The following RGS20 variants were observed in gnomAD, a reference collection of about 807,000 sequenced individuals.
RGS20 encodes the protein regulator of G protein signaling 20.
A neutral mutation model predicts 33.6 loss-of-function variants in RGS20; 30 were observed. That is an observed-to-expected ratio of 0.89 (90% CI 0.67 to 1.21). The LOEUF (loss-of-function observed/expected upper bound fraction) is 1.21, where lower values mean the gene tolerates loss of function less well. Ranked by LOEUF, RGS20 falls within the 50% of genes most tolerant of loss-of-function variation. The pLI, the probability that RGS20 is intolerant of heterozygous loss-of-function variation, is 0.00. For synonymous variants in RGS20, 208 were observed against 197.9 expected, an observed-to-expected ratio of 1.05 and a Z score of -0.43; for missense variants, 472 against 502.4, an observed-to-expected ratio of 0.94 and a Z score of 0.58.
intron 2 of RGS20, among the ~76,000 whole-genome samples, chr8:53,905,163 T>C (rs1813130959): frequency 1.3e-5 from 2 of 152,228 alleles, no homozygotes; most frequent in African/African-American, 4.8e-5. Flanking sequence ...AAAAGTCTTT[T>C]GTTACTATTA....
At chr8:53,953,848 T>C (rs572247467) in intron 4 of RGS20, among the ~76,000 whole-genome samples, 1 of 152,222 alleles carries the variant, frequency 6.6e-6, no homozygotes, top group Non-Finnish European at 1.5e-5. Context: ...AGCAACTTGG[T>C]TTGCAAGCCT....
chr8:53,900,709 G>T (rs2129280462), intron 2 of RGS20, among the ~76,000 whole-genome samples: 1 of 152,104 alleles, frequency 6.6e-6, no homozygotes, highest in Admixed American at 6.5e-5. Flanking sequence ...AAGTAATTTG[G>T]TCCAGGCCTC....
At chr8:53,885,448 C>T (rs144077785) in intron 2 of RGS20, among the ~76,000 whole-genome samples, 83 of 152,200 alleles carry the variant, frequency 5.5e-4, no homozygotes, top group African/African-American at 1.9e-3. Flanking sequence ...CCCGTCTCTA[C>T]TAAAAAATAC....
chr8:53,927,769 G>A (rs2129288049), intron 2 of RGS20, among the ~76,000 whole-genome samples: 1 of 152,272 alleles, frequency 6.6e-6, no homozygotes, highest in East Asian at 1.9e-4. Flanking sequence ...GAAATGATAT[G>A]TGCATAGAGT....
chr8:53,927,392 A>G (rs1177700240), intron 2 of RGS20, among the ~76,000 whole-genome samples: 1 of 151,558 alleles, frequency 6.6e-6, no homozygotes, highest in East Asian at 1.9e-4. Flanking sequence ...TTGTGTAGAG[A>G]TGGGGTTTCT....
intron 2 of RGS20, among the ~76,000 whole-genome samples, chr8:53,895,941 C>T (rs1184540868): frequency 6.6e-6 from 1 of 151,838 alleles, no homozygotes; most frequent in East Asian, 1.9e-4. Flanking sequence ...GCCACCACGC[C>T]CAGCCAAGAA....
At chr8:53,906,823 C>T (rs747720711) in intron 2 of RGS20, among the ~76,000 whole-genome samples, 49 of 152,066 alleles carry the variant, frequency 3.2e-4, no homozygotes, top group Non-Finnish European at 2.2e-4. Flanking sequence ...TAAAAAAGTA[C>T]TGGGAGAGAT....
chr8:53,932,963 C>G (rs1231927745), intron 2 of RGS20, among the ~76,000 whole-genome samples: 1 of 152,160 alleles, frequency 6.6e-6, no homozygotes, highest in Non-Finnish European at 1.5e-5. Flanking sequence ...TAGTGATACC[C>G]TGGCAAACAG....
chr8:53,896,380 T>A (rs2129279248), intron 2 of RGS20, among the ~76,000 whole-genome samples: 1 of 152,288 alleles, frequency 6.6e-6, no homozygotes, highest in East Asian at 1.9e-4. Context: ...GCTCATTTGT[T>A]TGATGTTTGA....
intron 1 of RGS20, among the ~76,000 whole-genome samples, chr8:53,869,404 G>A (rs1035860951): frequency 6.6e-6 from 1 of 152,096 alleles, no homozygotes; most frequent in Non-Finnish European, 1.5e-5. Context: ...GGCTGGGTGC[G>A]ATGGCTTACG....
chr8:53,907,652 A>G (rs1813220409), intron 2 of RGS20, among the ~76,000 whole-genome samples: 2 of 152,000 alleles, frequency 1.3e-5, no homozygotes, highest in Non-Finnish European at 2.9e-5. Flanking sequence ...GCTCTTGGGG[A>G]TGAGGAGTGG....
intron 2 of RGS20, among the ~76,000 whole-genome samples, chr8:53,916,969 C>A (rs1813506737): frequency 6.6e-6 from 1 of 152,166 alleles, no homozygotes; most frequent in Non-Finnish European, 1.5e-5. Flanking sequence ...AGGCCCCATT[C>A]TCATGACCTA....
At chr8:53,871,676 A>T (rs1321282226) in intron 1 of RGS20, among the ~76,000 whole-genome samples, 1 of 152,126 alleles carries the variant, frequency 6.6e-6, no homozygotes. Flanking sequence ...CTTTCCAGTG[A>T]TGCCTGCTTC....
intron 2 of RGS20, among the ~76,000 whole-genome samples, chr8:53,915,144 CAA>C (rs34526937): frequency 2.8e-4 from 41 of 145,378 alleles, no homozygotes; most frequent in Admixed American, 5.5e-4. Context: ...GGCTCTGTCT[CAA>C]AAAAAAAAAA....
intron 2 of RGS20, among the ~76,000 whole-genome samples, chr8:53,931,812 C>G (rs1432115964): frequency 6.6e-6 from 1 of 152,140 alleles, no homozygotes; most frequent in East Asian, 1.9e-4. Flanking sequence ...AGGGAACTCC[C>G]TCCCCTAGCC....
At chr8:53,899,226 T>G (rs761108328) in intron 2 of RGS20, among the ~76,000 whole-genome samples, 27 of 152,194 alleles carry the variant, frequency 1.8e-4, no homozygotes, top group Non-Finnish European at 3.8e-4. Flanking sequence ...ATTCTCTTTA[T>G]TGGGTATTTT....
At chr8:53,941,970 T>C (rs908500782) in intron 3 of RGS20, among the ~76,000 whole-genome samples, 1 of 152,038 alleles carries the variant, frequency 6.6e-6, no homozygotes, top group Non-Finnish European at 1.5e-5. Context: ...CAAAAATCAA[T>C]TCCCACCTTA....
At position 53,958,811 on chromosome 8, in the gene RGS20, AG is replaced by A. The variant is rs1814952240; in HGVS notation, c.*354del. 6.5e-6 allele frequency: 1 copy of A among 153,506 alleles called. No individual in the cohort carries two copies. The highest frequency in any genetic ancestry group is 2.4e-5 in the African/African-American group (1 of 41,498). The allele number at this position is 153,506 out of a possible 1,614,324, so 9.5% of individuals were successfully genotyped here. A position where few individuals can be genotyped will look rare whatever the true frequency, so the allele number is the denominator to read the frequency against. ...AAGGGAACCACTTTTATTTTGCATG[AG>A]TTTGGTAACTGATTACTCTCCCCTC... On this transcript the variant is annotated 3_prime_UTR_variant, in exon 6 of 6. Transcript: ENST00000297313.
intron 2 of RGS20, among the ~76,000 whole-genome samples, chr8:53,933,326 T>C (rs549914083): frequency 9.4e-4 from 143 of 152,216 alleles, no homozygotes; most frequent in Non-Finnish European, 1.5e-3. Context: ...TAAAGGAGCA[T>C]GTTCTAACCC....
Sources: gnomAD v4.1 joint callset for allele counts (sites outside exome capture counted in the v4.1 genomes callset) on GRCh38, gnomAD v4.1.1 for gene constraint, MANE v1.5 for transcripts, NCBI Gene and HGNC (gene_info 2026-07-23, HGNC 2026-07-21) for gene names.